Variants in UPP2 observed in about 807,000 individuals in gnomAD.
The protein encoded by UPP2 is uridine phosphorylase 2.
Under a neutral mutation model 26.7 loss-of-function variants are expected in UPP2, and 23 were observed. The ratio of observed to expected loss-of-function variants is 0.86; its 90% CI spans 0.62 to 1.22. UPP2 has a LOEUF of 1.22. Among genes scored for constraint, UPP2 ranks in the 50% most tolerant of loss-of-function variants. The probability of loss-of-function intolerance (pLI) is 0.00; values close to 1 mark genes in which losing one functional copy is unlikely to be tolerated. For synonymous variants in UPP2, 127 were observed against 141.3 expected (o/e 0.90, Z 0.72); for missense variants, 387 against 396.7 (o/e 0.98, Z 0.21).
At position 158,086,468 on chromosome 2, in the gene UPP2, T is replaced by A. The variant is rs575869743; in HGVS notation, c.148-15572T>A. Among the ~76,000 whole-genome samples, 227 of 151,974 alleles carry A rather than the reference T, an allele frequency of 1.5e-3. 1 individual carries two copies. The highest frequency in any genetic ancestry group is 5.2e-3 in the African/African-American group (217 of 41,524). ...CTTTTTGTTTAATTTATCTTTTGTA[T>A]TTTTTTTGTTTCAATTTCATTTAGT... On this transcript the variant is annotated intron_variant, in intron 3 of 9. Coordinates refer to the UPP2 transcript ENST00000605860.
intron 1 of UPP2, among the ~76,000 whole-genome samples, chr2:158,105,616 C>T (rs796438470): frequency 1.4e-4 from 21 of 152,326 alleles, no homozygotes; most frequent in African/African-American, 4.8e-4. Context: ...ATAACTTACT[C>T]AAGGTTGCAC....
chr2:158,075,443 A>G (rs952836272), intron 3 of UPP2, among the ~76,000 whole-genome samples: 1 of 152,062 alleles, frequency 6.6e-6, no homozygotes, highest in African/African-American at 2.4e-5. Flanking sequence ...TTAGGTCACA[A>G]AATAAGTCTT....
At chr2:158,117,487 G>T (rs950314545) in intron 3 of UPP2, among the ~76,000 whole-genome samples, 1 of 151,894 alleles carries the variant, frequency 6.6e-6, no homozygotes, top group East Asian at 1.9e-4. Flanking sequence ...TTTTTCAAAG[G>T]CTCATCATGA....
chr2:158,109,021 A>AAGTCTGATTTATTCTCAT (rs1232833131), intron 2 of UPP2, among the ~76,000 whole-genome samples: 1 of 151,152 alleles, frequency 6.6e-6, no homozygotes, highest in African/African-American at 2.4e-5. Context: ...GCAGCGTGTA[A>AAGTCTGATTTATTCTCAT]AGTCTGATTT....
chr2:158,052,846 A>G (rs935612021), intron 3 of UPP2, among the ~76,000 whole-genome samples: 1 of 152,146 alleles, frequency 6.6e-6, no homozygotes, highest in African/African-American at 2.4e-5. Context: ...CCAAGACTCA[A>G]CTCTGCCATT....
At chr2:158,057,615 G>T (rs923268552) in intron 3 of UPP2, among the ~76,000 whole-genome samples, 5 of 151,874 alleles carry the variant, frequency 3.3e-5, no homozygotes, top group African/African-American at 4.8e-5. Flanking sequence ...TGGTACATTT[G>T]TTTCAATTAA....
chr2:158,070,980 G>A (rs1682529657), intron 3 of UPP2, among the ~76,000 whole-genome samples: 1 of 152,212 alleles, frequency 6.6e-6, no homozygotes, highest in Non-Finnish European at 1.5e-5. Flanking sequence ...AGATCATTTG[G>A]ATCAGCCTTA....
chr2:158,103,219 A>G (rs1266379306), intron 1 of UPP2, among the ~76,000 whole-genome samples: 1 of 152,238 alleles, frequency 6.6e-6, no homozygotes, highest in East Asian at 1.9e-4. Flanking sequence ...CCAATGAAAC[A>G]AGAAACTTCT....
intron 6 of UPP2, among the ~76,000 whole-genome samples, chr2:158,132,089 C>T (rs565205282): frequency 6.4e-4 from 98 of 152,344 alleles, no homozygotes; most frequent in African/African-American, 2.3e-3. Context: ...CACAGATTTG[C>T]TGATCATTAA....
At chr2:158,099,997 T>C (rs16842593), upstream of UPP2, among the ~76,000 whole-genome samples, 3,890 of 152,244 alleles carry the variant, frequency 0.026, 170 homozygotes, top group African/African-American at 0.086. Context: ...GTGCATAATT[T>C]TTAAAAACGA....
chr2:158,105,270 A>G (rs1165983202), intron 1 of UPP2, among the ~76,000 whole-genome samples: 4 of 152,136 alleles, frequency 2.6e-5, no homozygotes, highest in African/African-American at 9.7e-5. Context: ...TCATCAGCTC[A>G]CTGTCTTGAA....
intron 3 of UPP2, among the ~76,000 whole-genome samples, chr2:158,031,742 A>G (rs1683924502): frequency 6.6e-6 from 1 of 152,254 alleles, no homozygotes; most frequent in African/African-American, 2.4e-5. Context: ...ATGAAATAAC[A>G]TTGAGAAAGT....
In UPP2 at chr2:158,002,367, G is replaced by T. The variant is rs545691967; in HGVS notation, c.61+7108G>T. Reference sequence around the variant, plus strand: ...TTTTTGCTGTGGAAGATGAACCAGGGGCCGAGCAGCTACCCATTATCACAG... The same window carrying T: ...TTTTTGCTGTGGAAGATGAACCAGGTGCCGAGCAGCTACCCATTATCACAG... On this transcript the variant is annotated intron_variant, in intron 2 of 9. Coordinates refer to the UPP2 transcript ENST00000605860. 7.2e-5 allele frequency among the ~76,000 whole-genome samples: 11 copies of T among 152,288 alleles called. No homozygotes were observed. The South Asian group carries it at 2.3e-3, about 32-fold the overall frequency.
chr2:158,133,208 T>C (rs1248984702), intron 6 of UPP2, among the ~76,000 whole-genome samples: 1 of 152,236 alleles, frequency 6.6e-6, no homozygotes, highest in African/African-American at 2.4e-5. Context: ...GGAAATTCTC[T>C]CATTTGCAAC....
At chr2:158,023,982 C>G (rs767715584) in intron 3 of UPP2, among the ~76,000 whole-genome samples, 15 of 152,194 alleles carry the variant, frequency 9.9e-5, no homozygotes, top group Non-Finnish European at 2.1e-4. Context: ...TATGTTAGGT[C>G]TCCAGTTTCT....
At chr2:158,058,109 C>T (rs59219836) in intron 3 of UPP2, among the ~76,000 whole-genome samples, 101,039 of 151,686 alleles carry the variant, frequency 0.67, 34,038 homozygotes, top group Admixed American at 0.72. Flanking sequence ...CTAGCTAACA[C>T]GATGAAACTC....
chr2:158,016,533 G>C (rs1683662935), intron 3 of UPP2, among the ~76,000 whole-genome samples: 1 of 151,964 alleles, frequency 6.6e-6, no homozygotes. Flanking sequence ...TAGAGACAGG[G>C]CTTCACCATG....
intron 3 of UPP2, among the ~76,000 whole-genome samples, chr2:158,038,610 T>C (rs1427230317): frequency 1.3e-5 from 2 of 152,240 alleles, no homozygotes; most frequent in African/African-American, 4.8e-5. Context: ...ATTCTTTTTA[T>C]TGCAGAGAAA....
intron 2 of UPP2, among the ~76,000 whole-genome samples, chr2:158,015,338 ATC>A (rs1683641132): frequency 6.6e-6 from 1 of 152,180 alleles, no homozygotes; most frequent in Admixed American, 6.5e-5. Flanking sequence ...TACAGTATTG[ATC>A]TTTTTTTGTG....
Sources: allele counts gnomAD v4.1 joint callset (sites outside exome capture counted in the v4.1 genomes callset), GRCh38; gene constraint gnomAD v4.1.1; transcripts MANE v1.5; gene names NCBI Gene and HGNC (gene_info 2026-07-23, HGNC 2026-07-21).